The following CRY1 variants were observed in gnomAD, a reference collection of about 807,000 sequenced individuals.
The protein encoded by CRY1 is cryptochrome-1.
A neutral mutation model predicts 76.0 loss-of-function variants in CRY1; 45 were observed. The ratio of observed to expected loss-of-function variants is 0.59; its 90% CI spans 0.47 to 0.76. The LOEUF (loss-of-function observed/expected upper bound fraction) is 0.76, where lower values mean the gene tolerates loss of function less well. Ranked by LOEUF, CRY1 falls within the 30% of genes least tolerant of loss-of-function variation. CRY1 has a pLI of 0.00. For missense variants in CRY1, 587 were observed against 716.4 expected, an observed-to-expected ratio of 0.82 and a Z score of 2.06; for synonymous variants, 248 against 244.0, an observed-to-expected ratio of 1.02 and a Z score of -0.15.
chr12:107,026,092 A>G (rs1015275662), intron 1 of CRY1, among the ~76,000 whole-genome samples: 2 of 66,340 alleles, frequency 3.0e-5, no homozygotes, highest in Non-Finnish European at 7.6e-5. Context: ...TACATATTAT[A>G]TATATAACAT....
chr12:107,006,138 C>G (rs1012989322), intron 2 of CRY1, among the ~76,000 whole-genome samples: 3 of 152,116 alleles, frequency 2.0e-5, no homozygotes, highest in African/African-American at 7.2e-5. Context: ...GTAATCCTAG[C>G]ACTCTGGGAG....
chr12:107,026,872 T>C (rs1239133775), intron 1 of CRY1, among the ~76,000 whole-genome samples: 1 of 151,876 alleles, frequency 6.6e-6, no homozygotes, highest in Non-Finnish European at 1.5e-5. Context: ...TGCCTACACC[T>C]GTATACAGAA....
intron 2 of CRY1, among the ~76,000 whole-genome samples, chr12:107,014,289 T>C (rs1952475113): frequency 6.6e-6 from 1 of 152,162 alleles, no homozygotes; most frequent in Non-Finnish European, 1.5e-5. Context: ...TCAGAGGGTA[T>C]AAATAGGCTT....
At chr12:107,081,017 A>G (rs957657968) in intron 1 of CRY1, among the ~76,000 whole-genome samples, 2 of 152,128 alleles carry the variant, frequency 1.3e-5, no homozygotes, top group African/African-American at 4.8e-5. Flanking sequence ...GTAAGAATAA[A>G]TATAAAAAAT....
chr12:107,079,563 A>G (rs1466089333), intron 1 of CRY1, among the ~76,000 whole-genome samples: 1 of 152,144 alleles, frequency 6.6e-6, no homozygotes, highest in Non-Finnish European at 1.5e-5. Context: ...AAAGTACTAA[A>G]CAACATCTCC....
At chr12:107,040,271 CTTTTTTTTTTTTTTAGT>C (rs1952782059) in intron 1 of CRY1, among the ~76,000 whole-genome samples, 1 of 134,424 alleles carries the variant, frequency 7.4e-6, no homozygotes, top group African/African-American at 2.8e-5. Context: ...ACTTTCTTTC[CTTTTTTTTTTTTTTAGT>C]TTTTTTTTTT....
At chr12:107,088,324 A>G (rs1380130794) in intron 1 of CRY1, among the ~76,000 whole-genome samples, 2 of 152,088 alleles carry the variant, frequency 1.3e-5, no homozygotes, top group African/African-American at 4.8e-5. Context: ...TGTCAGCTCC[A>G]CTTCCCCTTC....
rs1358673065 is a variant in CRY1 at position 107,009,604 on chromosome 12, A to ATATATC, written c.268-4357_268-4356insGATATA. ...TATATATATATATATATATATATAA[A>ATATATC]ATCTCTATATCTCCAGGTTCACGGT... On this transcript the variant is annotated intron_variant, in intron 2 of 12. Coordinates refer to ENST00000008527, the MANE Select transcript of CRY1 (RefSeq NM_004075.5). Among the ~76,000 whole-genome samples the ATATATC allele has an allele frequency of 2.7e-4, 8 of 29,438 alleles. No individual in the cohort carries two copies. The East Asian group carries it at 0.049, about 181-fold the overall frequency. The allele number at this position is 29,438 out of a possible 152,430, so 19.3% of individuals were successfully genotyped here.
chr12:107,016,614 C>T (rs1952500505), intron 2 of CRY1, among the ~76,000 whole-genome samples: 1 of 152,146 alleles, frequency 6.6e-6, no homozygotes, highest in Non-Finnish European at 1.5e-5. Context: ...CCTTCTGTTT[C>T]ATAACTCTAG....
chr12:107,040,496 G>C (rs1367017882), intron 1 of CRY1, among the ~76,000 whole-genome samples: 1 of 151,808 alleles, frequency 6.6e-6, no homozygotes, highest in Admixed American at 6.6e-5. Flanking sequence ...ATATTGGCCA[G>C]GCTGGTTTCA....
chr12:107,076,433 A>G (rs928400228), intron 1 of CRY1, among the ~76,000 whole-genome samples: 4 of 151,884 alleles, frequency 2.6e-5, no homozygotes, highest in Admixed American at 1.3e-4. Context: ...CAACATGGTG[A>G]AACTCCATCT....
intron 1 of CRY1, among the ~76,000 whole-genome samples, chr12:107,061,546 A>AT (rs1192115688): frequency 6.6e-6 from 1 of 151,438 alleles, no homozygotes; most frequent in Non-Finnish European, 1.5e-5. Flanking sequence ...CGCCCGGCTA[A>AT]TTTTTTTGTC....
At chr12:107,002,004 C>T in intron 3 of CRY1, 56 bp from the exon 4 acceptor site, 2 of 1,426,660 alleles carry the variant, frequency 1.4e-6, no homozygotes, top group East Asian at 2.6e-5. Flanking sequence ...TACATTTTGG[C>T]TAATAAGCTC....
intron 1 of CRY1, among the ~76,000 whole-genome samples, chr12:107,043,729 A>G (rs368981808): frequency 6.6e-6 from 1 of 152,218 alleles, no homozygotes; most frequent in South Asian, 2.1e-4. Flanking sequence ...GCAGGGTCCA[A>G]TGACAGCTGT....
intron 2 of CRY1, among the ~76,000 whole-genome samples, chr12:107,018,924 A>C (rs1284541247): frequency 6.6e-6 from 1 of 152,360 alleles, no homozygotes; most frequent in African/African-American, 2.4e-5. Flanking sequence ...CACAGAAGAA[A>C]GATACATACT....
chr12:107,056,634 A>G (rs1262462641), intron 1 of CRY1, among the ~76,000 whole-genome samples: 3 of 151,958 alleles, frequency 2.0e-5, no homozygotes, highest in Non-Finnish European at 4.4e-5. Flanking sequence ...TTTTATGTGT[A>G]GCCTATGACA....
intron 1 of CRY1, among the ~76,000 whole-genome samples, chr12:107,061,756 C>T (rs1474683765): frequency 1.3e-5 from 2 of 152,140 alleles, no homozygotes; most frequent in Non-Finnish European, 2.9e-5. Context: ...CAAAAATACA[C>T]ATTTTTCTTA....
At chr12:107,092,387 T>A (rs1009544875) in intron 1 of CRY1, among the ~76,000 whole-genome samples, 21 of 152,316 alleles carry the variant, frequency 1.4e-4, no homozygotes, top group African/African-American at 5.1e-4. Flanking sequence ...ACTGAATGAA[T>A]GATTTTTCTC....
At chr12:107,025,130 T>G (rs1227233708) in intron 1 of CRY1, among the ~76,000 whole-genome samples, 2 of 152,190 alleles carry the variant, frequency 1.3e-5, no homozygotes, top group East Asian at 1.9e-4. Context: ...TACCAAGCTA[T>G]TAATCATATC....
Sources: allele counts gnomAD v4.1 joint callset (sites outside exome capture counted in the v4.1 genomes callset), GRCh38; gene constraint gnomAD v4.1.1; transcripts MANE v1.5; gene names NCBI Gene and HGNC (gene_info 2026-07-23, HGNC 2026-07-21).